Variants in ACOT7 observed in about 807,000 individuals in gnomAD.
ACOT7 encodes acyl-CoA thioesterase 7, also known as cytosolic acyl coenzyme A thioester hydrolase.
In ACOT7, 12 loss-of-function variants were observed where a neutral mutation model predicts 40.2. That is an observed-to-expected ratio of 0.30 (90% confidence interval 0.19 to 0.48). ACOT7 has a LOEUF of 0.48. Among genes scored for constraint, ACOT7 ranks in the 20% least tolerant of loss-of-function variants. ACOT7 has a pLI of 0.99. For missense variants in ACOT7, 395 were observed against 530.8 expected, an observed-to-expected ratio of 0.74 and a Z score of 2.51; for synonymous variants, 228 against 219.5, an observed-to-expected ratio of 1.04 and a Z score of -0.34.
At chr1:6,377,799 G>A (rs967111980) in intron 1 of ACOT7, among the ~76,000 whole-genome samples, 5 of 152,068 alleles carry the variant, frequency 3.3e-5, no homozygotes, top group Admixed American at 6.6e-5. Context: ...GGCCAGGTGC[G>A]GTGGCTCACG....
chr1:6,386,098 C>T (rs1642436626), intron 1 of ACOT7, among the ~76,000 whole-genome samples: 1 of 152,166 alleles, frequency 6.6e-6, no homozygotes, highest in Non-Finnish European at 1.5e-5. Flanking sequence ...GGAGTTCCAC[C>T]TGGGCAGAGA....
At chr1:6,370,924 C>T (rs1642121779) in intron 1 of ACOT7, among the ~76,000 whole-genome samples, 1 of 152,042 alleles carries the variant, frequency 6.6e-6, no homozygotes, top group Admixed American at 6.5e-5. Flanking sequence ...GATTCTCCTA[C>T]CTCAGCCTCC....
rs182010037 is a variant in ACOT7, at chr1:6,332,770, G to A, written c.510+707C>T. Reference sequence around the variant, plus strand: ...TGGGAGGCGGAGCTTGCAGTGAGCCGAGATCGCGCCACTGCACTCCAGCCT... The same window carrying A: ...TGGGAGGCGGAGCTTGCAGTGAGCCAAGATCGCGCCACTGCACTCCAGCCT... On this transcript the variant is annotated intron_variant, in intron 4 of 8. Coordinates refer to ENST00000361521, the MANE Select transcript of ACOT7 (RefSeq NM_007274.4). Among the ~76,000 whole-genome samples, 48 of 151,840 alleles carry A rather than the reference G, an allele frequency of 3.2e-4. No homozygotes were observed. The East Asian group carries it at 5.2e-3, about 17-fold the overall frequency.
At chr1:6,292,349 C>T (rs571645460) in intron 7 of ACOT7, among the ~76,000 whole-genome samples, 1 of 152,356 alleles carries the variant, frequency 6.6e-6, no homozygotes, top group South Asian at 2.1e-4. Flanking sequence ...ATCAGGCGAG[C>T]CCACCCAACC....
chr1:6,392,024 C>T (rs567768130), intron 1 of ACOT7, among the ~76,000 whole-genome samples: 11 of 151,924 alleles, frequency 7.2e-5, no homozygotes, highest in Non-Finnish European at 1.6e-4. Flanking sequence ...AGGGGCAGGG[C>T]TCCCCCAAAG....
chr1:6,291,785 C>T lies in ACOT7; in HGVS notation c.829+3079G>A, dbSNP rs538252709. 5.3e-5 allele frequency among the ~76,000 whole-genome samples: 8 copies of T among 152,300 alleles called. No homozygotes were observed. In the South Asian group the frequency reaches 1.0e-3, roughly 20 times the overall value. Reference sequence around the variant, plus strand: ...CCCAGCAGAGTCCATGAGAAAGTCACGCTGGAACTGTGAGGCCAGCCCCCC... The same window carrying T: ...CCCAGCAGAGTCCATGAGAAAGTCATGCTGGAACTGTGAGGCCAGCCCCCC... On this transcript the variant is annotated intron_variant, in intron 7 of 8. Coordinates refer to ENST00000361521, the MANE Select transcript of ACOT7 (RefSeq NM_007274.4).
intron 1 of ACOT7, among the ~76,000 whole-genome samples, chr1:6,350,641 C>T (rs1247418078): frequency 6.6e-6 from 1 of 152,242 alleles, no homozygotes; most frequent in Non-Finnish European, 1.5e-5. Flanking sequence ...TGATGAAAGC[C>T]GCCTTCACAG....
chr1:6,376,939 G>A (rs1642243793), intron 1 of ACOT7, among the ~76,000 whole-genome samples: 1 of 152,218 alleles, frequency 6.6e-6, no homozygotes, highest in African/African-American at 2.4e-5. Flanking sequence ...ACAGATGCCT[G>A]ATATAAGAGG....
intron 5 of ACOT7, among the ~76,000 whole-genome samples, chr1:6,319,807 C>T (rs1007937018): frequency 2.0e-5 from 3 of 152,240 alleles, no homozygotes; most frequent in Admixed American, 1.3e-4. Flanking sequence ...GGTTGGGATC[C>T]GCCTTTCTGG....
At chr1:6,266,530 A>G (rs1469356229) in intron 8 of ACOT7, among the ~76,000 whole-genome samples, 1 of 152,264 alleles carries the variant, frequency 6.6e-6, no homozygotes, top group Non-Finnish European at 1.5e-5. Context: ...ATCCCAGGTG[A>G]CACAACGCTG....
intron 1 of ACOT7, among the ~76,000 whole-genome samples, chr1:6,363,319 A>T (rs2148467934): frequency 6.6e-6 from 1 of 152,208 alleles, no homozygotes; most frequent in East Asian, 1.9e-4. Flanking sequence ...GTCAGTGCCA[A>T]AGAAAAACAC....
intron 8 of ACOT7, among the ~76,000 whole-genome samples, chr1:6,273,804 T>TTCC (rs1401017991): frequency 2.0e-5 from 3 of 152,246 alleles, no homozygotes; most frequent in Non-Finnish European, 4.4e-5. Flanking sequence ...CACACAGTGC[T>TTCC]TCCGCCCACT....
intron 6 of ACOT7, among the ~76,000 whole-genome samples, chr1:6,302,500 C>T (rs1021483366): frequency 4.6e-5 from 7 of 152,002 alleles, no homozygotes; most frequent in African/African-American, 1.7e-4. Flanking sequence ...ACGGACCTGG[C>T]GAAAAACCAG....
rs1639255379 is a variant in ACOT7 at position 6,278,238 on chromosome 1, CGGGCA to C, written c.1014+2859_1014+2863del. Among the ~76,000 whole-genome samples the C allele has an allele frequency of 1.3e-5, 2 of 152,070 alleles. No individual in the cohort carries two copies. Among genetic ancestry groups the C allele is most frequent in the Admixed American group, 6.5e-5 (1 of 15,268 alleles). ...ATGGGAGCAGCAGGTGCACAGGCGC[CGGGCA>C]GGAGTGAGCTTGCTGCACCCACACC... is the stretch of plus-strand genomic sequence containing the variant. On this transcript the variant is annotated intron_variant, in intron 8 of 8. Transcript: ENST00000361521. This position sits in a 1 kb window ranked among gnomAD's most constrained non-coding sequence, Gnocchi z 4.1.
At chr1:6,293,014 C>T (rs547425656) in intron 7 of ACOT7, among the ~76,000 whole-genome samples, 3 of 151,862 alleles carry the variant, frequency 2.0e-5, no homozygotes, top group Admixed American at 6.6e-5. Context: ...CTCAGCCTCC[C>T]GAGTAGCTGG....
intron 1 of ACOT7, among the ~76,000 whole-genome samples, chr1:6,353,863 A>G (rs1000355267): frequency 6.6e-6 from 1 of 152,122 alleles, no homozygotes; most frequent in African/African-American, 2.4e-5. Flanking sequence ...CTTCAAGGAA[A>G]GAAAGCAAGC....
intron 6 of ACOT7, among the ~76,000 whole-genome samples, chr1:6,315,876 C>T (rs1340177915): frequency 6.6e-6 from 1 of 151,472 alleles, no homozygotes; most frequent in Non-Finnish European, 1.5e-5. Flanking sequence ...GCCATTATTC[C>T]TAATACACAT....
chr1:6,339,618 A>C lies in ACOT7; in HGVS notation c.262-29T>G, dbSNP rs753364976. 5.0e-6 allele frequency: 8 copies of C among 1,604,082 alleles called. No homozygotes were observed. The East Asian group carries it at 1.8e-4, about 36-fold the overall frequency. ...TGGAGACAGAGGCAGTTGTCAGCCC[A>C]GGTCAGCCAGCCCAGCCCCGAGAGC... On this transcript the variant is annotated intron_variant, in intron 2 of 8. Transcript: ENST00000361521.
chr1:6,343,557 G>A (rs538445778), intron 2 of ACOT7, among the ~76,000 whole-genome samples: 3 of 152,398 alleles, frequency 2.0e-5, no homozygotes, highest in South Asian at 2.1e-4. Context: ...ACAGTAAAGC[G>A]ATGCCTGGAA....
Sources: gnomAD v4.1 joint callset for allele counts (sites outside exome capture counted in the v4.1 genomes callset) on GRCh38, gnomAD v4.1.1 for gene constraint, Gnocchi (gnomAD v3.1) non-coding constraint, MANE v1.5 for transcripts, NCBI Gene and HGNC (gene_info 2026-07-23, HGNC 2026-07-21) for gene names.